PDE8A: variants seen among roughly 807,000 people sequenced by gnomAD.
PDE8A encodes high affinity cAMP-specific and IBMX-insensitive 3',5'-cyclic phosphodiesterase 8A.
Under a neutral mutation model 105.0 loss-of-function variants are expected in PDE8A, and 59 were observed. The observed-to-expected ratio is 0.56, with a 90% confidence interval of 0.46 to 0.70. PDE8A has a LOEUF of 0.70. Among genes scored for constraint, PDE8A ranks in the 30% least tolerant of loss-of-function variants. The pLI, the probability that PDE8A is intolerant of heterozygous loss-of-function variation, is 0.00. For synonymous variants in PDE8A, 355 were observed against 371.9 expected (o/e 0.95, Z 0.52); for missense variants, 1,014 against 1,045.9 (o/e 0.97, Z 0.42).
intron 11 of PDE8A, among the ~76,000 whole-genome samples, chr15:85,102,853 AAAG>A (rs2081888176): frequency 6.6e-6 from 1 of 151,232 alleles, no homozygotes; most frequent in Admixed American, 6.6e-5. Context: ...AAAAAAAAAA[AAAG>A]AATACCACTG....
At chr15:85,099,460 A>G (rs1319869932) in intron 9 of PDE8A, among the ~76,000 whole-genome samples, 2 of 152,192 alleles carry the variant, frequency 1.3e-5, no homozygotes, top group Non-Finnish European at 2.9e-5. Context: ...TGTGGTAAGT[A>G]TATAGGGATT....
intron 1 of PDE8A, among the ~76,000 whole-genome samples, chr15:85,058,592 C>G (rs935201944): frequency 1.3e-5 from 2 of 152,052 alleles, no homozygotes; most frequent in African/African-American, 4.8e-5. Flanking sequence ...AGTAATAGAT[C>G]TATTCAGGTT....
chr15:85,090,342 T>C (rs28599738), intron 7 of PDE8A, among the ~76,000 whole-genome samples: 13,998 of 152,234 alleles, frequency 0.092, 1,322 homozygotes, highest in African/African-American at 0.25. Flanking sequence ...TGTGAAGTGT[T>C]TACTATAGTG....
intron 19 of PDE8A, among the ~76,000 whole-genome samples, chr15:85,125,032 CTA>C (rs2082238684): frequency 6.6e-6 from 1 of 152,172 alleles, no homozygotes; most frequent in African/African-American, 2.4e-5. Context: ...CAGTATGAAA[CTA>C]TAGTCACACT....
chr15:85,046,099 G>T (rs1470452128), intron 1 of PDE8A, among the ~76,000 whole-genome samples: 1 of 129,788 alleles, frequency 7.7e-6, no homozygotes, highest in East Asian at 2.3e-4. Flanking sequence ...ACAGAGTCTC[G>T]CCCTGTCACC....
intron 1 of PDE8A, among the ~76,000 whole-genome samples, chr15:85,010,892 G>A (rs1210053021): frequency 2.6e-5 from 4 of 151,974 alleles, no homozygotes; most frequent in African/African-American, 9.7e-5. Flanking sequence ...TCCCCCAGTC[G>A]TGTTCCTGAG....
At chr15:85,068,735 T>C (rs1168565599) in intron 3 of PDE8A, among the ~76,000 whole-genome samples, 1 of 152,154 alleles carries the variant, frequency 6.6e-6, no homozygotes, top group African/African-American at 2.4e-5. Flanking sequence ...GGAGAAAATT[T>C]GGCCTCTTTC....
At chr15:85,095,785 T>A (rs1417014033) in intron 8 of PDE8A, among the ~76,000 whole-genome samples, 3 of 151,906 alleles carry the variant, frequency 2.0e-5, no homozygotes, top group African/African-American at 7.3e-5. Flanking sequence ...GAACTTTGCC[T>A]GGAATGGCCT....
intron 1 of PDE8A, among the ~76,000 whole-genome samples, chr15:85,061,781 A>AT (rs899516883): frequency 4.6e-5 from 7 of 151,754 alleles, no homozygotes; most frequent in Non-Finnish European, 7.4e-5. Context: ...TCTGTTCACT[A>AT]TTTTTTTAAA....
intron 8 of PDE8A, among the ~76,000 whole-genome samples, chr15:85,096,698 G>A (rs751253389): frequency 1.3e-5 from 2 of 152,112 alleles, no homozygotes; most frequent in Non-Finnish European, 2.9e-5. Flanking sequence ...GCCTCGTCCT[G>A]TGGGCTGAGC....
chr15:85,088,731 A>G (rs930557489), intron 6 of PDE8A, among the ~76,000 whole-genome samples: 8 of 152,036 alleles, frequency 5.3e-5, no homozygotes, highest in African/African-American at 1.9e-4. Context: ...TGTTCCACTT[A>G]TTTTTGTTAA....
chr15:85,062,110 G>A (rs543030671), intron 1 of PDE8A, among the ~76,000 whole-genome samples: 2 of 151,992 alleles, frequency 1.3e-5, no homozygotes, highest in Admixed American at 1.3e-4. Flanking sequence ...GATGGTTGCT[G>A]TTGATTTAGT....
Position 85,076,787 on chromosome 15 carries a change from G to GGTAT in PDE8A, c.546+4_546+7dup. The GGTAT allele has an allele frequency of 6.5e-7, 1 of 1,545,478 alleles. No individual in the cohort carries two copies. Among genetic ancestry groups the GGTAT allele is most frequent in the Non-Finnish European group, 8.9e-7 (1 of 1,117,574 alleles). Reference sequence around the variant, plus strand: ...CTTTCATTTCTGCTGGATTTACAAGGGTATGTACTCACTTATTTGTTATAC... The same window carrying GGTAT: ...CTTTCATTTCTGCTGGATTTACAAGGGTATGTATGTACTCACTTATTTGTTATAC... On this transcript the variant is annotated frameshift_variant and splice_region_variant. Transcript: ENST00000394553. LOFTEE classifies it high-confidence loss of function.
chr15:85,108,866 G>T (rs2081982413), intron 11 of PDE8A, among the ~76,000 whole-genome samples, 187 bp from the exon 12 acceptor site: 1 of 151,922 alleles, frequency 6.6e-6, no homozygotes, highest in Non-Finnish European at 1.5e-5. Flanking sequence ...GCACCTGGTG[G>T]GACATTTTGA....
intron 1 of PDE8A, among the ~76,000 whole-genome samples, chr15:85,004,264 C>A (rs773293237): frequency 2.6e-5 from 4 of 152,214 alleles, no homozygotes; most frequent in Non-Finnish European, 5.9e-5. Context: ...CCAGCAACAT[C>A]CTTGCCTCAT....
intron 11 of PDE8A, among the ~76,000 whole-genome samples, chr15:85,104,084 A>G (rs1434018138): frequency 6.6e-6 from 1 of 152,186 alleles, no homozygotes; most frequent in Non-Finnish European, 1.5e-5. Flanking sequence ...TTCACGTGAC[A>G]CTGTCTCACT....
chr15:85,108,609 A>T (rs1254834871), intron 11 of PDE8A, among the ~76,000 whole-genome samples: 3 of 152,238 alleles, frequency 2.0e-5, no homozygotes, highest in Non-Finnish European at 4.4e-5. Flanking sequence ...AGTGTTCACC[A>T]TACTACCCTA....
At chr15:85,100,095 A>C in intron 10 of PDE8A, 29 bp downstream of exon 10, 2 of 1,613,096 alleles carry the variant, frequency 1.2e-6, no homozygotes, top group Non-Finnish European at 1.7e-6. Flanking sequence ...CCGGGGCCCC[A>C]GGAACACCCC....
chr15:85,034,415 A>G (rs1483293826), intron 1 of PDE8A, among the ~76,000 whole-genome samples: 1 of 152,180 alleles, frequency 6.6e-6, no homozygotes, highest in Non-Finnish European at 1.5e-5. Flanking sequence ...TGTAGGTTAA[A>G]ACAAATGTGG....
Sources: allele counts gnomAD v4.1 joint callset (sites outside exome capture counted in the v4.1 genomes callset), GRCh38; gene constraint gnomAD v4.1.1; transcripts MANE v1.5; gene names NCBI Gene and HGNC (gene_info 2026-07-23, HGNC 2026-07-21).